The following OPCML variants were observed in gnomAD, a reference collection of about 807,000 sequenced individuals.
The protein encoded by OPCML is opioid-binding protein/cell adhesion molecule.
OPCML carries 13 observed loss-of-function variants against 37.8 expected under a neutral mutation model. The observed-to-expected ratio is 0.34, with a 90% CI of 0.22 to 0.55. The LOEUF (loss-of-function observed/expected upper bound fraction) is 0.55. Among genes scored for constraint, OPCML ranks in the 20% least tolerant of loss-of-function variants. OPCML has a pLI of 0.91. For missense variants in OPCML, 341 were observed against 435.6 expected, an observed-to-expected ratio of 0.78 and a Z score of 1.93; for synonymous variants, 176 against 168.8, an observed-to-expected ratio of 1.04 and a Z score of -0.33.
intron 2 of OPCML, among the ~76,000 whole-genome samples, chr11:132,687,608 T>C (rs1326709971): frequency 6.6e-6 from 1 of 151,678 alleles, no homozygotes; most frequent in Non-Finnish European, 1.5e-5. Context: ...CTCAGAGAAT[T>C]AAAAGCAGAA....
intron 1 of OPCML, among the ~76,000 whole-genome samples, chr11:132,959,655 C>T (rs1318025269): frequency 6.6e-6 from 1 of 152,146 alleles, no homozygotes; most frequent in Non-Finnish European, 1.5e-5. Context: ...CACAGCGTTT[C>T]CATTTACCTA....
rs749398494 is a variant in OPCML, at chr11:133,173,434, G to A, written c.62-230424C>T. 5.9e-5 allele frequency among the ~76,000 whole-genome samples: 9 copies of A among 152,092 alleles called. No individual in the cohort carries two copies. The highest frequency in any genetic ancestry group is 1.2e-4 in the Non-Finnish European group (8 of 68,026). On this transcript the variant is annotated intron_variant, in intron 1 of 7. Coordinates refer to ENST00000524381, the MANE Select transcript of OPCML (RefSeq NM_001012393.5). The surrounding 1 kb of genome is among the most constrained non-coding windows in gnomAD (Gnocchi z 7.8). The stretch of plus-strand genomic sequence containing the variant: ...TAAGAACTTAAAAGAATAATAAATC[G>A]AGTGAACAAATAAATAAATGAGCAA...
At position 133,206,502 on chromosome 11, in the gene OPCML, C is replaced by T. The variant is rs192273963; in HGVS notation, c.62-263492G>A. 1.1e-3 allele frequency among the ~76,000 whole-genome samples: 164 copies of T among 152,254 alleles called. 1 individual carries two copies. Among genetic ancestry groups the T allele is most frequent in the African/African-American group, 3.7e-3 (154 of 41,528 alleles). On this transcript the variant is annotated intron_variant, in intron 1 of 7. Transcript: ENST00000524381. This position sits in a 1 kb window ranked among gnomAD's most constrained non-coding sequence, Gnocchi z 4.7. ...GATTCTTCCGTTAAAGTTGTGAAAGCGTGTTAAGAGAGGAAGAGAAACACC... is the reference window on the plus strand; with the variant it reads ...GATTCTTCCGTTAAAGTTGTGAAAGTGTGTTAAGAGAGGAAGAGAAACACC...
chr11:132,776,363 C>T (rs1946808996), intron 2 of OPCML, among the ~76,000 whole-genome samples: 1 of 152,122 alleles, frequency 6.6e-6, no homozygotes, highest in South Asian at 2.1e-4. Context: ...CAAACGAAGA[C>T]TGTAGCTGTG....
intron 3 of OPCML, among the ~76,000 whole-genome samples, chr11:132,569,923 G>A (rs2096433328): frequency 6.6e-6 from 1 of 151,206 alleles, no homozygotes. Flanking sequence ...ACCACCCAGA[G>A]GCCTTGATCC....
At chr11:133,141,039 C>CGAAGACGAA (rs1348447381) in intron 1 of OPCML, among the ~76,000 whole-genome samples, 3 of 4,110 alleles carry the variant, frequency 7.3e-4, no homozygotes, top group Admixed American at 5.6e-3. Context: ...ACGACGACGA[C>CGAAGACGAA]GACGACGACG....
chr11:133,031,971 T>G (rs768931424), intron 1 of OPCML, among the ~76,000 whole-genome samples: 1 of 152,236 alleles, frequency 6.6e-6, no homozygotes, highest in Non-Finnish European at 1.5e-5. Context: ...TCATTTAATC[T>G]TCAACCTTAT....
chr11:132,976,426 C>G (rs917072030), intron 1 of OPCML, among the ~76,000 whole-genome samples: 7 of 152,110 alleles, frequency 4.6e-5, no homozygotes, highest in African/African-American at 1.2e-4. Context: ...AACAGGCAGC[C>G]ATTTATGAAT....
intron 1 of OPCML, among the ~76,000 whole-genome samples, chr11:132,977,250 T>G (rs1331054715): frequency 6.6e-6 from 1 of 152,232 alleles, no homozygotes; most frequent in African/African-American, 2.4e-5. Flanking sequence ...TTGAAAACAC[T>G]TATTCAAAAT....
intron 1 of OPCML, among the ~76,000 whole-genome samples, chr11:133,354,304 A>ATGGTGATG (rs1944226397): frequency 5.1e-4 from 5 of 9,886 alleles, no homozygotes; most frequent in Admixed American, 2.1e-3. Flanking sequence ...GGTGGTGGTG[A>ATGGTGATG]CGTGTTGGTA....
chr11:132,659,102 G>T (rs575564508), intron 2 of OPCML, among the ~76,000 whole-genome samples: 1 of 152,278 alleles, frequency 6.6e-6, no homozygotes, highest in African/African-American at 2.4e-5. Flanking sequence ...CATCATTATA[G>T]AAATGTCATT....
Position 133,026,207 on chromosome 11 carries a change from T to C in OPCML, c.62-83197A>G, listed in dbSNP as rs368420534. ...GATGAAGCTTTGTAATCTGTAAAGC[T>C]TTCGAGCCAGGTTAGAGAAGTCAGT... On this transcript the variant is annotated intron_variant, in intron 1 of 7. Transcript: ENST00000524381. 2.5e-5 allele frequency: 18 copies of C among 708,006 alleles called. No individual in the cohort carries two copies. In the East Asian group the frequency reaches 8.0e-4, roughly 31 times the overall value. 43.9% of individuals were successfully genotyped at this position (708,006 alleles called of 1,614,324 possible).
At chr11:133,410,550 C>T (rs964214186) in intron 1 of OPCML, among the ~76,000 whole-genome samples, 2 of 138,684 alleles carry the variant, frequency 1.4e-5, no homozygotes, top group Non-Finnish European at 3.0e-5. Flanking sequence ...CTCTCTGGGT[C>T]TATTTCAGGA....
intron 2 of OPCML, among the ~76,000 whole-genome samples, chr11:132,686,130 G>A (rs1370498130): frequency 6.6e-6 from 1 of 152,112 alleles, no homozygotes; most frequent in Non-Finnish European, 1.5e-5. Flanking sequence ...TCTATTTCCA[G>A]TTGATCAGCA....
chr11:132,539,089 G>A (rs984250843), intron 3 of OPCML, among the ~76,000 whole-genome samples: 4 of 152,190 alleles, frequency 2.6e-5, no homozygotes, highest in African/African-American at 9.7e-5. Flanking sequence ...TACATTGGAG[G>A]TAGAATAGCA....
At chr11:133,192,820 T>C (rs1938376671) in intron 1 of OPCML, among the ~76,000 whole-genome samples, 1 of 152,160 alleles carries the variant, frequency 6.6e-6, no homozygotes, top group South Asian at 2.1e-4. Context: ...TATAATTATC[T>C]GGTAACCTCC....
intron 4 of OPCML, among the ~76,000 whole-genome samples, chr11:132,487,765 C>T (rs2096204465): frequency 6.6e-6 from 1 of 152,192 alleles, no homozygotes; most frequent in Non-Finnish European, 1.5e-5. Flanking sequence ...GACATTGAAG[C>T]TCAGGGCCAT....
chr11:132,854,335 T>C (rs1941956167), intron 2 of OPCML, among the ~76,000 whole-genome samples: 1 of 152,226 alleles, frequency 6.6e-6, no homozygotes, highest in Non-Finnish European at 1.5e-5. Flanking sequence ...TGGAAGCTCT[T>C]AGAACTCAGT....
intron 4 of OPCML, among the ~76,000 whole-genome samples, chr11:132,447,912 T>C (rs1235120042): frequency 1.3e-5 from 2 of 152,202 alleles, no homozygotes; most frequent in Non-Finnish European, 2.9e-5. Flanking sequence ...TCAGCTATAC[T>C]CTTCTCTGGA....
Sources: gnomAD v4.1 joint callset for allele counts (sites outside exome capture counted in the v4.1 genomes callset) on GRCh38, gnomAD v4.1.1 for gene constraint, Gnocchi (gnomAD v3.1) non-coding constraint, MANE v1.5 for transcripts, NCBI Gene and HGNC (gene_info 2026-07-23, HGNC 2026-07-21) for gene names.